The following ST3GAL1 variants were observed in gnomAD, a reference collection of about 807,000 sequenced individuals.
ST3GAL1 encodes CMP-N-acetylneuraminate-beta-galactosamide-alpha-2,3-sialyltransferase 1.
In ST3GAL1, 16 loss-of-function variants were observed where a neutral mutation model predicts 34.1. The observed-to-expected ratio is 0.47, with a 90% CI of 0.32 to 0.71. The LOEUF is 0.71. Ranked by LOEUF, ST3GAL1 falls within the 30% of genes least tolerant of loss-of-function variation. The pLI, the probability that ST3GAL1 is intolerant of heterozygous loss-of-function variation, is 0.04. For missense variants in ST3GAL1, 353 were observed against 447.4 expected (o/e 0.79, Z 1.90); for synonymous variants, 191 against 184.7 (o/e 1.03, Z -0.28).
At chr8:133,484,445 G>C (rs1369934366) in intron 3 of ST3GAL1, among the ~76,000 whole-genome samples, 2 of 152,238 alleles carry the variant, frequency 1.3e-5, no homozygotes, top group East Asian at 3.8e-4. Context: ...GGAGATGGCA[G>C]AGCCAACTTG....
intron 2 of ST3GAL1, among the ~76,000 whole-genome samples, chr8:133,510,256 CA>C (rs1044702556): frequency 1.3e-5 from 2 of 152,160 alleles, no homozygotes; most frequent in African/African-American, 4.8e-5. Context: ...GCCTTTTGAA[CA>C]CCAGCTCCAC....
At chr8:133,557,592 GTAA>G (rs1819088970) in intron 1 of ST3GAL1, among the ~76,000 whole-genome samples, 1 of 152,176 alleles carries the variant, frequency 6.6e-6, no homozygotes, top group Non-Finnish European at 1.5e-5. Flanking sequence ...ACTCACACCT[GTAA>G]TCCCAGCACT....
At chr8:133,557,925 G>C (rs867895003) in intron 1 of ST3GAL1, among the ~76,000 whole-genome samples, 2 of 138,272 alleles carry the variant, frequency 1.4e-5, no homozygotes, top group Admixed American at 7.1e-5. Context: ...AAAAAAAAAA[G>C]AGGCCAGTGT....
At position 133,529,331 on chromosome 8, in the gene ST3GAL1, G is replaced by A. The variant is rs144184949; in HGVS notation, c.-429+16443C>T. Among the ~76,000 whole-genome samples the A allele has an allele frequency of 7.2e-3, 1,100 of 152,350 alleles. 16 individuals are homozygous for A. The highest frequency in any genetic ancestry group is 0.034 in the Middle Eastern group (10 of 294). Reference sequence around the variant, plus strand: ...GAGAGGATGCGGCAGTTCTGATGAAGAAGAGAGATGGGCCTTGGGAGCTTA... The same window carrying A: ...GAGAGGATGCGGCAGTTCTGATGAAAAAGAGAGATGGGCCTTGGGAGCTTA... On this transcript the variant is annotated intron_variant, in intron 2 of 9. Coordinates refer to ENST00000522652, the MANE Select transcript of ST3GAL1 (RefSeq NM_173344.3).
intron 2 of ST3GAL1, among the ~76,000 whole-genome samples, chr8:133,511,220 A>G (rs1229052257): frequency 6.6e-6 from 1 of 152,234 alleles, no homozygotes; most frequent in Non-Finnish European, 1.5e-5. Flanking sequence ...AAGGACAGGA[A>G]AGCAAGGTTA....
At chr8:133,568,470 C>A (rs1167851695) in intron 1 of ST3GAL1, among the ~76,000 whole-genome samples, 1 of 152,190 alleles carries the variant, frequency 6.6e-6, no homozygotes, top group Non-Finnish European at 1.5e-5. Flanking sequence ...TTCTAGAATT[C>A]TTTGTGACCG....
At chr8:133,523,744 G>A (rs182194016) in intron 2 of ST3GAL1, among the ~76,000 whole-genome samples, 4 of 152,318 alleles carry the variant, frequency 2.6e-5, no homozygotes, top group African/African-American at 9.6e-5. Flanking sequence ...AGTACAAACG[G>A]ACTGGCAGAA....
rs1481368954 is a variant in ST3GAL1, at chr8:133,459,614, C to T, written c.*150G>A. ...TAGTGACCTTGCTGAGTAGATGCTG[C>T]CAACGGCTGGGTGCAAGAGGCTGTG... On this transcript the variant is annotated 3_prime_UTR_variant, in exon 10 of 10. Transcript: ENST00000522652. The surrounding 1 kb of genome is among the most constrained non-coding windows in gnomAD (Gnocchi z 4.7). 2 of 982,978 alleles carry T rather than the reference C, an allele frequency of 2.0e-6. No individual in the cohort carries two copies. Among genetic ancestry groups the T allele is most frequent in the Non-Finnish European group, 1.4e-6 (1 of 694,828 alleles). 60.9% of individuals were successfully genotyped at this position (982,978 alleles called of 1,614,324 possible).
intron 3 of ST3GAL1, among the ~76,000 whole-genome samples, chr8:133,488,874 G>A (rs371902617): frequency 2.0e-4 from 31 of 152,006 alleles, no homozygotes; most frequent in Non-Finnish European, 4.4e-5. Flanking sequence ...AGACAGGGGG[G>A]GCCAGGCAAG....
intron 3 of ST3GAL1, among the ~76,000 whole-genome samples, chr8:133,497,537 C>T (rs1272846435): frequency 7.4e-6 from 1 of 135,744 alleles, no homozygotes; most frequent in Non-Finnish European, 1.5e-5. Flanking sequence ...CGGGCGCAAT[C>T]TCGGCTAACT....
At chr8:133,487,669 A>G (rs4736679) in intron 3 of ST3GAL1, among the ~76,000 whole-genome samples, 144,888 of 152,328 alleles carry the variant, frequency 0.95, 68,939 homozygotes, top group East Asian at 1. Flanking sequence ...ACAAAACAAA[A>G]GTTAGACAAA....
At position 133,475,826 on chromosome 8, in the gene ST3GAL1, G is replaced by T; in HGVS notation, c.199C>A (p.Gln67Lys). Residue 67 changes from glutamine to lysine, a missense_variant, in exon 5 of 10, where the codon CAG (glutamine) becomes AAG (lysine). Physicochemically the swap from Gln to Lys is moderately conservative, Grantham distance 53. Transcript: ENST00000522652. ...TCGAACCAGGCCGAGAGCTTGCGCT[G>T]CCCGATGCAGTGGGTGCAGGTGCAA... ...RPCTCTHCIG[Q>K]RKLSAWFDER... 6.2e-7 allele frequency: 1 copy of T among 1,614,114 alleles called. No homozygotes were observed.
intron 1 of ST3GAL1, among the ~76,000 whole-genome samples, chr8:133,547,470 C>T (rs762764975): frequency 6.6e-6 from 1 of 152,126 alleles, no homozygotes; most frequent in South Asian, 2.1e-4. Flanking sequence ...TGCTATGTTG[C>T]CATGGCTGGT....
Position 133,514,609 on chromosome 8 carries a change from C to T in ST3GAL1, c.-428-15420G>A, listed in dbSNP as rs115695249. Among the ~76,000 whole-genome samples, 869 of 152,188 alleles carry T rather than the reference C, an allele frequency of 5.7e-3. 6 individuals are homozygous for T. Among genetic ancestry groups the T allele is most frequent in the African/African-American group, 0.017 (697 of 41,522 alleles). ...GGTAAATGCACAGGCTGCCCTCCCA[C>T]GACAGAAGCAAGGGCTCCCTAGAAG... On this transcript the variant is annotated intron_variant, in intron 2 of 9. Coordinates refer to ENST00000522652, the MANE Select transcript of ST3GAL1 (RefSeq NM_173344.3).
intron 2 of ST3GAL1, 136 bp from the exon 3 acceptor site, chr8:133,499,325 T>C (rs1208465556): frequency 6.6e-6 from 1 of 152,182 alleles, no homozygotes; most frequent in Non-Finnish European, 1.5e-5. Context: ...TCTGAGCCCT[T>C]TCAAGCCACT....
chr8:133,476,261 T>C lies in ST3GAL1; in HGVS notation c.-51+17A>G. 4.3e-6 allele frequency: 2 copies of C among 460,858 alleles called. No homozygotes were observed. The highest frequency in any genetic ancestry group is 7.6e-6 in the Non-Finnish European group (2 of 262,250). The allele number at this position is 460,858 out of a possible 1,614,324, so 28.5% of individuals were successfully genotyped here. On this transcript the variant is annotated intron_variant, in intron 4 of 9. Transcript: ENST00000522652. ...AACGCCATTCGTGGCATGTTGGCTT[T>C]GCTTGCATATATTTACCTTTTCAGA...
chr8:133,490,474 C>G (rs1816753257), intron 3 of ST3GAL1, among the ~76,000 whole-genome samples: 1 of 152,192 alleles, frequency 6.6e-6, no homozygotes, highest in Non-Finnish European at 1.5e-5. Context: ...ACCAGTGCCT[C>G]CCAAGACATG....
chr8:133,504,673 G>A (rs923147279), intron 2 of ST3GAL1, among the ~76,000 whole-genome samples: 8 of 152,142 alleles, frequency 5.3e-5, no homozygotes, highest in African/African-American at 1.9e-4. Flanking sequence ...TTCCACTCAA[G>A]AGTATGAGAT....
At chr8:133,526,328 C>T (rs1227546577) in intron 2 of ST3GAL1, among the ~76,000 whole-genome samples, 1 of 152,190 alleles carries the variant, frequency 6.6e-6, no homozygotes, top group Non-Finnish European at 1.5e-5. Context: ...GACCTGGGCT[C>T]CTGCAGATAA....
Sources: allele counts gnomAD v4.1 joint callset (sites outside exome capture counted in the v4.1 genomes callset), GRCh38; gene constraint gnomAD v4.1.1; non-coding constraint Gnocchi (gnomAD v3.1); transcripts MANE v1.5; gene names NCBI Gene and HGNC (gene_info 2026-07-23, HGNC 2026-07-21).